Variants in LEP observed in about 807,000 individuals in gnomAD.
The protein encoded by LEP is leptin (murine obesity homolog).
In LEP, 6 loss-of-function variants were observed where a neutral mutation model predicts 9.8. That is an observed-to-expected ratio of 0.61 (90% CI 0.34 to 1.21). The LOEUF (loss-of-function observed/expected upper bound fraction) is 1.21, where lower values mean the gene tolerates loss of function less well. LEP is among the 50% of genes most tolerant of loss of function. The pLI is 0.04. For missense variants in LEP, 134 were observed against 198.1 expected, an observed-to-expected ratio of 0.68 and a Z score of 1.94; for synonymous variants, 112 against 81.7, an observed-to-expected ratio of 1.37 and a Z score of -2.00.
At chr7:128,254,341 A>T in intron 2 of LEP, 63 bp from the exon 3 acceptor site, 1 of 1,598,834 alleles carries the variant, frequency 6.3e-7, no homozygotes, top group African/African-American at 1.3e-5. Context: ...GGGAAGGCAG[A>T]GGGCTCTGAG....
chr7:128,250,856 G>A (rs1562931597), intron 1 of LEP, among the ~76,000 whole-genome samples: 1 of 152,104 alleles, frequency 6.6e-6, no homozygotes, highest in Non-Finnish European at 1.5e-5. Flanking sequence ...CATATACTTA[G>A]CATGGATCAT....
Position 128,254,816 on chromosome 7 carries a change from G to C in LEP, c.*53G>C. The C allele has an allele frequency of 6.3e-7, 1 of 1,588,052 alleles. No individual in the cohort carries two copies. The highest frequency in any genetic ancestry group is 8.5e-7 in the Non-Finnish European group (1 of 1,171,586). ...GACTACGTTAAGGGAAGGAACTCTG[G>C]CTTCCAGGTATCTCCAGGATTGAAG... On this transcript the variant is annotated 3_prime_UTR_variant, in exon 3 of 3. Transcript: ENST00000308868.
chr7:128,254,422 C>G lies in LEP; in HGVS notation c.163C>G (p.Gln55Glu), dbSNP rs759056593. The G allele has an allele frequency of 1.9e-6, 3 of 1,613,718 alleles. No homozygotes were observed. The highest frequency in any genetic ancestry group is 2.5e-6 in the Non-Finnish European group (3 of 1,180,028). ...ISHTQSVSSK[Q>E]KVTGLDFIPG... Reference sequence around the variant, plus strand: ...TGCATAGCAGTCAGTCTCCTCCAAACAGAAAGTCACCGGTTTGGACTTCAT... The same window carrying G: ...TGCATAGCAGTCAGTCTCCTCCAAAGAGAAAGTCACCGGTTTGGACTTCAT... The change falls in exon 3 of 3, where the codon CAG (glutamine) becomes GAG (glutamate). Residue 55 changes from glutamine (Q) to glutamate (E), a missense_variant. Gln to Glu is a conservative substitution (Grantham distance 29, BLOSUM62 2). Transcript: ENST00000308868.
chr7:128,244,269 A>G (rs1795185573), intron 1 of LEP, among the ~76,000 whole-genome samples: 1 of 148,078 alleles, frequency 6.8e-6, no homozygotes, highest in Admixed American at 6.7e-5. Flanking sequence ...ACACACACAC[A>G]CACACACACA....
chr7:128,257,173 G>T lies in LEP; in HGVS notation c.*2410G>T, dbSNP rs28959474. ...CTCACAACCACCTAATCAGGCTGAG[G>T]TGTCTTAAGCCTTTTGCTCACAAAA... On this transcript the variant is annotated 3_prime_UTR_variant, in exon 3 of 3. Transcript: ENST00000308868. 1 of 152,022 alleles carries T rather than the reference G, an allele frequency of 6.6e-6. No homozygotes were observed. Among genetic ancestry groups the T allele is most frequent in the African/African-American group, 2.4e-5 (1 of 41,340 alleles). 9.4% of individuals were successfully genotyped at this position (152,022 alleles called of 1,614,324 possible).
chr7:128,254,414 C>T lies in LEP; in HGVS notation c.155C>T (p.Ser52Phe), dbSNP rs776443424. Reference sequence around the variant, plus strand: ...CTTCCTCCTGCATAGCAGTCAGTCTCCTCCAAACAGAAAGTCACCGGTTTG... The same window carrying T: ...CTTCCTCCTGCATAGCAGTCAGTCTTCTCCAAACAGAAAGTCACCGGTTTG... Reference protein sequence around the residue: ...INDISHTQSVSSKQKVTGLDF... With the variant: ...INDISHTQSVFSKQKVTGLDF... Residue 52 changes from serine to phenylalanine, a missense_variant, in exon 3 of 3, where the codon TCC becomes TTC. Ser to Phe is a radical substitution (Grantham distance 155). Transcript: ENST00000308868. 1.2e-6 allele frequency: 2 copies of T among 1,613,450 alleles called. No homozygotes were observed. The highest frequency in any genetic ancestry group is 1.7e-5 in the Admixed American group (1 of 60,028).
intron 1 of LEP, among the ~76,000 whole-genome samples, chr7:128,246,155 G>T (rs1795208679): frequency 6.6e-6 from 1 of 152,128 alleles, no homozygotes; most frequent in African/African-American, 2.4e-5. Context: ...TGACATTGAG[G>T]TCCCCAGGAT....
rs757560540 is a variant in LEP, at chr7:128,254,784, C to T, written c.*21C>T. The T allele has an allele frequency of 6.2e-7, 1 of 1,603,148 alleles. No homozygotes were observed. Among genetic ancestry groups the T allele is most frequent in the Non-Finnish European group, 8.5e-7 (1 of 1,179,760 alleles). ...GCTGAGGCCTTGAAGGTCACTCTTC[C>T]TGCAAGGACTACGTTAAGGGAAGGA... is the stretch of plus-strand genomic sequence containing the variant. On this transcript the variant is annotated 3_prime_UTR_variant, in exon 3 of 3. Coordinates refer to ENST00000308868, the MANE Select transcript of LEP (RefSeq NM_000230.3).
Position 128,254,669 on chromosome 7 carries a change from C to A in LEP, c.410C>A (p.Ala137Asp). ...GACAGCCTGGGGGGTGTCCTGGAAG[C>A]TTCAGGCTACTCCACAGAGGTGGTG... is the stretch of plus-strand genomic sequence containing the variant. ...TLDSLGGVLE[A>D]SGYSTEVVAL... Residue 137 changes from alanine to aspartate, a missense_variant, in exon 3 of 3, where the codon GCT (alanine) becomes GAT (aspartate). By Grantham distance (126) the Ala-to-Asp change is moderately radical. Coordinates refer to ENST00000308868, the MANE Select transcript of LEP (RefSeq NM_000230.3). 1 of 1,614,096 alleles carries A rather than the reference C, an allele frequency of 6.2e-7. No individual in the cohort carries two copies. The highest frequency in any genetic ancestry group is 8.5e-7 in the Non-Finnish European group (1 of 1,180,022).
chr7:128,249,204 A>G (rs1290255125), intron 1 of LEP, among the ~76,000 whole-genome samples: 1 of 152,208 alleles, frequency 6.6e-6, no homozygotes, highest in Non-Finnish European at 1.5e-5. Context: ...GTCGGTTAGC[A>G]TTAAGTTTGG....
intron 1 of LEP, among the ~76,000 whole-genome samples, chr7:128,250,804 C>T (rs57191509): frequency 0.04 from 6,067 of 152,222 alleles, 259 homozygotes; most frequent in African/African-American, 0.11. Context: ...AACCGTCATC[C>T]TAATATTTAC....
At position 128,252,147 on chromosome 7, in the gene LEP, T is replaced by C. The variant is rs777989230; in HGVS notation, c.129T>C (p.Asn43=). Residue 43 remains asparagine, a synonymous_variant, in exon 2 of 3, where the codon AAT becomes AAC. Transcript: ENST00000308868. The part of the protein sequence containing the change: ...TLIKTIVTRI[N]DISHTQSVSS... The stretch of plus-strand genomic sequence containing the variant: ...TCAAGACAATTGTCACCAGGATCAA[T>C]GACATTTCACACACGGTAAGGAGAG... 2 of 1,613,664 alleles carry C rather than the reference T, an allele frequency of 1.2e-6. No individual in the cohort carries two copies. The highest frequency in any genetic ancestry group is 2.2e-5 in the East Asian group (1 of 44,896).
chr7:128,246,073 A>C (rs1428481948), intron 1 of LEP, among the ~76,000 whole-genome samples: 1 of 151,340 alleles, frequency 6.6e-6, no homozygotes, highest in African/African-American at 2.4e-5. Context: ...TCCGTCAAAA[A>C]AAAAATAAAA....
Position 128,254,512 on chromosome 7 carries a change from A to T in LEP, c.253A>T (p.Ile85Phe), listed in dbSNP as rs1311825614. Residue 85 changes from isoleucine to phenylalanine, a missense_variant, in exon 3 of 3, where the codon ATC (isoleucine) becomes TTC (phenylalanine). By Grantham distance (21) the Ile-to-Phe change is conservative. Transcript: ENST00000308868. ...MDQTLAVYQQILTSMPSRNVI... is the reference protein window; with the variant it reads ...MDQTLAVYQQFLTSMPSRNVI... ...CCAGACACTGGCAGTCTACCAACAG[A>T]TCCTCACCAGTATGCCTTCCAGAAA... 6.2e-7 allele frequency: 1 copy of T among 1,614,182 alleles called. No individual in the cohort carries two copies. Among genetic ancestry groups the T allele is most frequent in the Non-Finnish European group, 8.5e-7 (1 of 1,180,028 alleles).
At chr7:128,251,003 C>G (rs1048038469) in intron 1 of LEP, among the ~76,000 whole-genome samples, 5 of 152,120 alleles carry the variant, frequency 3.3e-5, no homozygotes, top group African/African-American at 7.2e-5. Context: ...AAGTTTCAAG[C>G]GTTCTGGGTG....
chr7:128,243,936 G>C (rs1473503086), intron 1 of LEP, among the ~76,000 whole-genome samples: 5 of 152,092 alleles, frequency 3.3e-5, no homozygotes, highest in African/African-American at 1.2e-4. Flanking sequence ...CCCTCACACA[G>C]AGCTCGAGGG....
At chr7:128,246,896 G>A (rs1306606349) in intron 1 of LEP, among the ~76,000 whole-genome samples, 2 of 152,144 alleles carry the variant, frequency 1.3e-5, no homozygotes, top group Non-Finnish European at 2.9e-5. Flanking sequence ...GGCAGCCTGT[G>A]GAGAGGGCAG....
Position 128,255,087 on chromosome 7 carries a change from T to A in LEP, c.*324T>A. ...CCCTCTTGACCCATCTCCCCCTCAC[T>A]GAATGCCTCAATGTGACCAGGGGTG... On this transcript the variant is annotated 3_prime_UTR_variant, in exon 3 of 3. Coordinates refer to ENST00000308868, the MANE Select transcript of LEP (RefSeq NM_000230.3). 2.7e-6 allele frequency: 1 copy of A among 372,756 alleles called. No homozygotes were observed. The highest frequency in any genetic ancestry group is 5.2e-6 in the Non-Finnish European group (1 of 193,712). The allele number at this position is 372,756 out of a possible 1,614,324, so 23.1% of individuals were successfully genotyped here.
chr7:128,250,825 T>C (rs1255089562), intron 1 of LEP, among the ~76,000 whole-genome samples: 3 of 152,232 alleles, frequency 2.0e-5, no homozygotes, highest in African/African-American at 4.8e-5. Context: ...TTACATTTTA[T>C]TATTATTTCA....
Sources: allele counts gnomAD v4.1 joint callset (sites outside exome capture counted in the v4.1 genomes callset), GRCh38; gene constraint gnomAD v4.1.1; transcripts MANE v1.5; gene names NCBI Gene and HGNC (gene_info 2026-07-23, HGNC 2026-07-21).